SEH1L: variants seen among roughly 807,000 people sequenced by gnomAD.
The protein encoded by SEH1L is SEH1 like nucleoporin.
SEH1L carries 18 observed loss-of-function variants against 49.5 expected under a neutral mutation model. The observed-to-expected ratio is 0.36, with a 90% CI of 0.25 to 0.54. The LOEUF (loss-of-function observed/expected upper bound fraction) is 0.54. SEH1L is among the 20% of genes least tolerant of loss of function. SEH1L has a pLI of 0.87. For missense variants in SEH1L, 404 were observed against 528.8 expected (o/e 0.76, Z 2.31); for synonymous variants, 169 against 178.1 (o/e 0.95, Z 0.41).
At chr18:12,955,637 C>T (rs777129983) in intron 3 of SEH1L, 28 bp downstream of exon 3, 2 of 1,608,172 alleles carry the variant, frequency 1.2e-6, no homozygotes, top group Non-Finnish European at 1.7e-6. Context: ...ATTCTGGGGA[C>T]CGGGAAGACA....
chr18:12,981,036 C>A (rs181112481), intron 6 of SEH1L, among the ~76,000 whole-genome samples: 1 of 150,550 alleles, frequency 6.6e-6, no homozygotes, highest in Non-Finnish European at 1.5e-5. Flanking sequence ...GTGTGGCTGC[C>A]GGGCGGAGGG....
chr18:12,971,773 A>C (rs1447681659), intron 5 of SEH1L: 1 of 152,880 alleles, frequency 6.5e-6, no homozygotes, highest in Non-Finnish European at 1.5e-5. Flanking sequence ...ATACCTGGGG[A>C]ACCTAATCTG....
At chr18:12,986,147 T>C (rs547491184) in intron 8 of SEH1L, 2 of 984,606 alleles carry the variant, frequency 2.0e-6, no homozygotes, top group East Asian at 2.2e-4. Flanking sequence ...ATTTTCTTAA[T>C]TTAGTTCGCT....
intron 7 of SEH1L, chr18:12,982,952 T>C (rs962429401): frequency 8.1e-6 from 2 of 247,256 alleles, no homozygotes; most frequent in South Asian, 6.5e-5. Flanking sequence ...TTGTCATATA[T>C]GTACCTTACA....
chr18:12,986,803 G>GTT (rs11480632), intron 8 of SEH1L, 59 bp from the exon 9 acceptor site: 160,652 of 1,085,712 alleles, frequency 0.15, 4,264 homozygotes, highest in East Asian at 0.34. Context: ...TTTTTCTTGT[G>GTT]TTTTTTTTTT....
At chr18:12,964,129 A>G (rs1376843975) in intron 4 of SEH1L, among the ~76,000 whole-genome samples, 2 of 152,234 alleles carry the variant, frequency 1.3e-5, no homozygotes, top group Admixed American at 1.3e-4. Context: ...TAACTGCTGC[A>G]TAGAGCATGA....
At chr18:12,965,312 C>T (rs1338573740) in intron 4 of SEH1L, among the ~76,000 whole-genome samples, 1 of 152,202 alleles carries the variant, frequency 6.6e-6, no homozygotes, top group Non-Finnish European at 1.5e-5. Flanking sequence ...TCGCCCAGTC[C>T]ATTTCCTAAT....
At chr18:12,982,422 T>C (rs2032305410) in intron 6 of SEH1L, 96 bp from the exon 7 acceptor site, 5 of 858,860 alleles carry the variant, frequency 5.8e-6, no homozygotes, top group Middle Eastern at 2.8e-4. Flanking sequence ...CTTGTATTAA[T>C]TTAGAATTTT....
rs767730077 is a variant in SEH1L, at chr18:12,963,143, T to A, written c.310-17T>A. 5.2e-6 allele frequency: 8 copies of A among 1,553,206 alleles called. No individual in the cohort carries two copies. The South Asian group carries it at 5.8e-5, about 11-fold the overall frequency. On this transcript the variant is annotated splice_polypyrimidine_tract_variant and intron_variant, in intron 3 of 8. Transcript: ENST00000399892. The stretch of plus-strand genomic sequence containing the variant: ...TCTTTTTGTATATAATTTAAATTGT[T>A]ATTATTTTTTTTTTAGGTTAAAAGG...
At chr18:12,961,520 T>G (rs183862950) in intron 3 of SEH1L, among the ~76,000 whole-genome samples, 2 of 152,352 alleles carry the variant, frequency 1.3e-5, no homozygotes, top group Admixed American at 1.3e-4. Flanking sequence ...CATTTGTGTT[T>G]GTATTAATTA....
intron 5 of SEH1L, chr18:12,975,693 C>T (rs2031890668): frequency 4.1e-6 from 4 of 985,398 alleles, no homozygotes; most frequent in Non-Finnish European, 4.8e-6. Context: ...TGGACTTTTG[C>T]AGGGTCCAGT....
chr18:12,959,420 G>A (rs1434474973), intron 3 of SEH1L, among the ~76,000 whole-genome samples: 6 of 152,152 alleles, frequency 3.9e-5, no homozygotes, highest in African/African-American at 1.4e-4. Flanking sequence ...GGGTTCAAGC[G>A]ATCCTCCACC....
chr18:12,973,728 A>C (rs1456446066), intron 5 of SEH1L: 1 of 152,232 alleles, frequency 6.6e-6, no homozygotes, highest in Non-Finnish European at 1.5e-5. Context: ...GTATTATGTC[A>C]TGTGACAAGG....
At chr18:12,977,701 G>C (rs2031983880) in intron 5 of SEH1L, 2 of 152,042 alleles carry the variant, frequency 1.3e-5, no homozygotes, top group Admixed American at 6.6e-5. Context: ...TCCAGCACAA[G>C]AGTGAAACTG....
chr18:12,962,678 G>T (rs1412173810), intron 3 of SEH1L, among the ~76,000 whole-genome samples: 2 of 149,508 alleles, frequency 1.3e-5, no homozygotes, highest in African/African-American at 4.9e-5. Context: ...TTGCCATGTA[G>T]CCCAGGCTGG....
At chr18:12,970,047 G>C (rs954413826) in intron 4 of SEH1L, among the ~76,000 whole-genome samples, 2 of 152,092 alleles carry the variant, frequency 1.3e-5, no homozygotes, top group African/African-American at 2.4e-5. Context: ...TTCTTAATTA[G>C]ATAATTTGAT....
At chr18:12,948,331 C>A in intron 1 of SEH1L, 99 bp downstream of exon 1, 5 of 851,766 alleles carry the variant, frequency 5.9e-6, no homozygotes. Flanking sequence ...TCAGTGACGC[C>A]GCTGGAAGCT....
chr18:12,982,548 A>G lies in SEH1L; in HGVS notation c.792A>G (p.Thr264=). The G allele has an allele frequency of 6.2e-7, 1 of 1,612,044 alleles. No homozygotes were observed. Among genetic ancestry groups the G allele is most frequent in the South Asian group, 1.1e-5 (1 of 90,222 alleles). Residue 264 remains threonine, a synonymous_variant, in exon 7 of 9, where the codon ACA becomes ACG. Coordinates refer to ENST00000399892, the MANE Select transcript of SEH1L (RefSeq NM_001013437.2). ...AACTGACTTCCTCTGGTGGGCCAAC[A>G]AAGTTTGAAATCCATATAGTGGCTC... is the stretch of plus-strand genomic sequence containing the variant. ...RKELTSSGGP[T]KFEIHIVAQF...
chr18:12,978,155 T>G (rs1177834882), intron 5 of SEH1L: 3 of 152,256 alleles, frequency 2.0e-5, no homozygotes, highest in African/African-American at 7.2e-5. Flanking sequence ...AAATTTTTAT[T>G]AAAGCGTTTC....
Sources: allele counts gnomAD v4.1 joint callset (sites outside exome capture counted in the v4.1 genomes callset), GRCh38; gene constraint gnomAD v4.1.1; transcripts MANE v1.5; gene names NCBI Gene and HGNC (gene_info 2026-07-23, HGNC 2026-07-21).